MYO10: variants seen among roughly 807,000 people sequenced by gnomAD.
MYO10 encodes the protein unconventional myosin-X.
Under a neutral mutation model 257.3 loss-of-function variants are expected in MYO10, and 133 were observed. The observed-to-expected ratio is 0.52, with a 90% CI of 0.45 to 0.60. MYO10 has a LOEUF of 0.60. Among genes scored for constraint, MYO10 ranks in the 20% least tolerant of loss-of-function variants. The pLI is 0.00. For missense variants in MYO10, 2,399 were observed against 2,635.7 expected (o/e 0.91, Z 1.97); for synonymous variants, 1,104 against 1,028.6 (o/e 1.07, Z -1.40).
chr5:16,792,225 C>T (rs1741788360), intron 4 of MYO10, among the ~76,000 whole-genome samples: 1 of 132,474 alleles, frequency 7.5e-6, no homozygotes, highest in Admixed American at 7.7e-5. Flanking sequence ...CATGTAATCC[C>T]CATTTGTTTA....
In MYO10 at chr5:16,665,121, A is replaced by G. The variant is rs1189863899; in HGVS notation, c.*1571T>C. 2 of 152,000 alleles carry G rather than the reference A, an allele frequency of 1.3e-5. No individual in the cohort carries two copies. The highest frequency in any genetic ancestry group is 1.9e-4 in the East Asian group (1 of 5,130). 9.4% of individuals were successfully genotyped at this position (152,000 alleles called of 1,614,324 possible). On this transcript the variant is annotated 3_prime_UTR_variant, in exon 41 of 41. Transcript: ENST00000513610. Reference sequence around the variant, plus strand: ...GGGAGGCTGAGGCAGGAGAATCGCTAGAACCCAGGAGGCAGAGGCTGCAGT... The same window carrying G: ...GGGAGGCTGAGGCAGGAGAATCGCTGGAACCCAGGAGGCAGAGGCTGCAGT...
At chr5:16,880,623 T>C (rs1253973781) in intron 1 of MYO10, among the ~76,000 whole-genome samples, 1 of 152,098 alleles carries the variant, frequency 6.6e-6, no homozygotes, top group Non-Finnish European at 1.5e-5. Context: ...CCTATATAAA[T>C]CCTGAGGCCT....
At position 16,710,908 on chromosome 5, in the gene MYO10, C is replaced by T. The variant is rs1325963978; in HGVS notation, c.2169G>A (p.Lys723=). The T allele has an allele frequency of 1.2e-6, 2 of 1,612,864 alleles. No individual in the cohort carries two copies. The highest frequency in any genetic ancestry group is 2.7e-5 in the African/African-American group (2 of 74,874). Residue 723 remains lysine, a splice_region_variant and synonymous_variant, in exon 21 of 41, where the codon AAG becomes AAA. Coordinates refer to ENST00000513610, the MANE Select transcript of MYO10 (RefSeq NM_012334.3). ...SNSEWQLGKT[K]VFLRESLEQK... ...GAGTTGCTCTTTCTCCGCATCGTACCTTGGTCTTCCCCAGCTGCCACTCGC... is the reference window on the plus strand; with the variant it reads ...GAGTTGCTCTTTCTCCGCATCGTACTTTGGTCTTCCCCAGCTGCCACTCGC...
intron 2 of MYO10, among the ~76,000 whole-genome samples, chr5:16,828,182 G>A (rs1484874224): frequency 6.6e-6 from 1 of 152,138 alleles, no homozygotes; most frequent in Non-Finnish European, 1.5e-5. Flanking sequence ...GCTCACCCCT[G>A]CCTGGCCCAC....
At chr5:16,904,242 C>G (rs562379704) in intron 1 of MYO10, among the ~76,000 whole-genome samples, 4 of 152,244 alleles carry the variant, frequency 2.6e-5, no homozygotes, top group Admixed American at 6.5e-5. Context: ...CTCCCAGACC[C>G]TTCCCACACA....
intron 33 of MYO10, among the ~76,000 whole-genome samples, chr5:16,678,197 A>T (rs1315762032): frequency 1.3e-5 from 2 of 152,186 alleles, no homozygotes; most frequent in African/African-American, 2.4e-5. Flanking sequence ...CAAAAAATAA[A>T]TTTTTTAAGG....
intron 4 of MYO10, among the ~76,000 whole-genome samples, chr5:16,790,484 G>A (rs1436105772): frequency 6.6e-6 from 1 of 152,150 alleles, no homozygotes; most frequent in Non-Finnish European, 1.5e-5. Context: ...GGTGGGAGAC[G>A]ACTGAATCAT....
intron 1 of MYO10, among the ~76,000 whole-genome samples, chr5:16,925,276 A>G (rs1157967618): frequency 2.6e-5 from 4 of 152,248 alleles, no homozygotes; most frequent in African/African-American, 9.6e-5. Flanking sequence ...ACATGCAACA[A>G]AAGTAATAAT....
chr5:16,825,492 C>T (rs113151611), intron 2 of MYO10, among the ~76,000 whole-genome samples: 1,933 of 152,292 alleles, frequency 0.013, 43 homozygotes, highest in African/African-American at 0.044. Context: ...AGCATCACAA[C>T]GTTTGATGCC....
chr5:16,822,813 G>A (rs1166223852), intron 2 of MYO10, among the ~76,000 whole-genome samples: 3 of 151,280 alleles, frequency 2.0e-5, no homozygotes, highest in Admixed American at 6.6e-5. Context: ...TCAGCCTCCC[G>A]CGTAGCTGGG....
At chr5:16,932,427 A>G (rs1746316455) in intron 1 of MYO10, among the ~76,000 whole-genome samples, 2 of 152,162 alleles carry the variant, frequency 1.3e-5, no homozygotes, top group Non-Finnish European at 2.9e-5. Flanking sequence ...AAGTTTGCAC[A>G]GTAGCCTTGC....
intron 3 of MYO10, among the ~76,000 whole-genome samples, chr5:16,801,594 T>A (rs2126687982): frequency 6.6e-6 from 1 of 152,292 alleles, no homozygotes; most frequent in Middle Eastern, 3.4e-3. Flanking sequence ...GTCCTTCTCG[T>A]TTTGTGATTC....
chr5:16,916,007 T>A, intron 1 of MYO10: 1 of 454,832 alleles, frequency 2.2e-6, no homozygotes, highest in Non-Finnish European at 4.4e-6. Flanking sequence ...TTATCCTGAA[T>A]CTGAATTAAC....
intron 19 of MYO10, among the ~76,000 whole-genome samples, chr5:16,721,368 A>C (rs1194964068): frequency 6.6e-6 from 1 of 152,232 alleles, no homozygotes; most frequent in Non-Finnish European, 1.5e-5. Context: ...CTAAAGCAGC[A>C]ATATAACTTT....
At chr5:16,864,844 A>G (rs1448482387) in intron 2 of MYO10, among the ~76,000 whole-genome samples, 1 of 152,212 alleles carries the variant, frequency 6.6e-6, no homozygotes, top group Non-Finnish European at 1.5e-5. Context: ...TGGCTTCCAG[A>G]GCAGAAAAGA....
At chr5:16,774,896 AT>A (rs1383886910) in intron 9 of MYO10, among the ~76,000 whole-genome samples, 1 of 152,228 alleles carries the variant, frequency 6.6e-6, no homozygotes, top group East Asian at 1.9e-4. Flanking sequence ...TGACAAATGA[AT>A]TCACGCATGC....
At chr5:16,868,726 C>T (rs994934146) in intron 2 of MYO10, among the ~76,000 whole-genome samples, 1 of 152,172 alleles carries the variant, frequency 6.6e-6, no homozygotes, top group Non-Finnish European at 1.5e-5. Flanking sequence ...CCTTCAGAGG[C>T]CACAGTTACA....
chr5:16,879,818 A>T (rs185005782), intron 1 of MYO10, among the ~76,000 whole-genome samples: 2 of 152,356 alleles, frequency 1.3e-5, no homozygotes, highest in East Asian at 3.9e-4. Context: ...AACATTTAAG[A>T]CGACACAAAA....
At chr5:16,773,011 TA>T (rs1741101222) in intron 9 of MYO10, among the ~76,000 whole-genome samples, 1 of 152,216 alleles carries the variant, frequency 6.6e-6, no homozygotes, top group African/African-American at 2.4e-5. Context: ...AATGGGTGTG[TA>T]AATTCAAAAT....
Sources: gnomAD v4.1 joint callset for allele counts (sites outside exome capture counted in the v4.1 genomes callset) on GRCh38, gnomAD v4.1.1 for gene constraint, MANE v1.5 for transcripts, NCBI Gene and HGNC (gene_info 2026-07-23, HGNC 2026-07-21) for gene names.